GCFC2: variants seen among roughly 807,000 people sequenced by gnomAD.
The protein encoded by GCFC2 is GC-rich sequence DNA-binding factor 2, also known as intron Large complex component GCFC2.
GCFC2 carries 102 observed loss-of-function variants against 99.4 expected under a neutral mutation model. The ratio of observed to expected loss-of-function variants is 1.03; its 90% CI spans 0.87 to 1.21. The LOEUF (loss-of-function observed/expected upper bound fraction) is 1.21, where lower values mean the gene tolerates loss of function less well. Ranked by LOEUF, GCFC2 falls within the 50% of genes most tolerant of loss-of-function variation. The probability of loss-of-function intolerance (pLI) is 0.00; values close to 1 mark genes in which losing one functional copy is unlikely to be tolerated. For missense variants in GCFC2, 973 were observed against 920.9 expected (o/e 1.06, Z -0.73); for synonymous variants, 338 against 316.8 (o/e 1.07, Z -0.71).
chr2:75,679,598 T>C (rs1162234490), intron 12 of GCFC2, among the ~76,000 whole-genome samples: 1 of 152,240 alleles, frequency 6.6e-6, no homozygotes, highest in Admixed American at 6.5e-5. Context: ...TATTATTTGG[T>C]AGACTACAAA....
intron 12 of GCFC2, among the ~76,000 whole-genome samples, chr2:75,674,568 G>A (rs1679258071): frequency 6.6e-6 from 1 of 151,958 alleles, no homozygotes; most frequent in Non-Finnish European, 1.5e-5. Context: ...GAAAGACAAT[G>A]AGTGTTTATT....
At position 75,698,293 on chromosome 2, in the gene GCFC2, C is replaced by T. The variant is rs1176181019; in HGVS notation, c.718-1978G>A. Among the ~76,000 whole-genome samples, 5 of 152,068 alleles carry T rather than the reference C, an allele frequency of 3.3e-5. No homozygotes were observed. In the East Asian group the frequency reaches 9.6e-4, roughly 29 times the overall value. ...ATGTTCATCTCGATTAGTAATACAA[C>T]TCTTGGCAATTATTACAAAGGAATA... On this transcript the variant is annotated intron_variant, in intron 4 of 16. Transcript: ENST00000321027.
At position 75,710,672 on chromosome 2, in the gene GCFC2, G is replaced by C. The variant is rs749551867; in HGVS notation, c.184C>G (p.Arg62Gly). The C allele has an allele frequency of 2.0e-6, 3 of 1,521,774 alleles. No homozygotes were observed. Among genetic ancestry groups the C allele is most frequent in the South Asian group, 2.4e-5 (2 of 82,568 alleles). The allele number at this position is 1,521,774 out of a possible 1,614,324, so 94.3% of individuals were successfully genotyped here. ...AQVAGLPHRV[R>G]GPRGRGRVWA... The stretch of plus-strand genomic sequence containing the variant: ...ACCCGGCCCCGGCCACGAGGGCCCC[G>C]AACCCGGTGGGGCAGTCCCGCCACC... Residue 62 changes from arginine to glycine, a missense_variant, in exon 1 of 17, where the codon CGG becomes GGG. By Grantham distance (125) the Arg-to-Gly change is moderately radical. Transcript: ENST00000321027.
At position 75,671,961 on chromosome 2, in the gene GCFC2, A is replaced by C. The variant is rs1375860013; in HGVS notation, c.1945T>G (p.Ser649Ala). The change falls in exon 14 of 17, where the codon TCA becomes GCA. Residue 649 changes from serine to alanine, a missense_variant. By Grantham distance (99) the Ser-to-Ala change is moderately conservative. Transcript: ENST00000321027. The stretch of plus-strand genomic sequence containing the variant: ...CAGTTTTTGCTCACCTTTAGGCCTG[A>C]CCAGAACTGTCTTTCTTGGAACTTT... The part of the protein sequence containing the change: ...HSKFQERQFW[S>A]GLKLFRNILL... 1 of 1,579,872 alleles carries C rather than the reference A, an allele frequency of 6.3e-7. No homozygotes were observed. Among genetic ancestry groups the C allele is most frequent in the Non-Finnish European group, 8.7e-7 (1 of 1,150,818 alleles).
chr2:75,679,136 G>A (rs1043365772), intron 12 of GCFC2, among the ~76,000 whole-genome samples: 3 of 152,176 alleles, frequency 2.0e-5, no homozygotes, highest in African/African-American at 7.2e-5. Context: ...TTAAGTTACA[G>A]TTTATGTGCA....
chr2:75,690,086 A>ATT lies in GCFC2; in HGVS notation c.1227-7_1227-6dup. 1 of 1,551,416 alleles carries ATT rather than the reference A, an allele frequency of 6.4e-7. No homozygotes were observed. Among genetic ancestry groups the ATT allele is most frequent in the South Asian group, 1.2e-5 (1 of 85,578 alleles). On this transcript the variant is annotated splice_polypyrimidine_tract_variant and splice_region_variant and intron_variant, in intron 8 of 16. Coordinates refer to ENST00000321027, the MANE Select transcript of GCFC2 (RefSeq NM_003203.5). ...CTTGCTTGTCTTCTTTTTGTCCTAT[A>ATT]TTTTGCAACAAACCAAAAATAAACA... is the stretch of plus-strand genomic sequence containing the variant.
At chr2:75,697,556 G>C (rs1384586518) in intron 4 of GCFC2, 1 of 152,214 alleles carries the variant, frequency 6.6e-6, no homozygotes, top group Non-Finnish European at 1.5e-5. Context: ...GCACCTGTAG[G>C]ATTTCACTAT....
At chr2:75,706,430 C>A (rs912044992) in intron 2 of GCFC2, 93 bp downstream of exon 2, 1 of 777,668 alleles carries the variant, frequency 1.3e-6, no homozygotes, top group Non-Finnish European at 2.0e-6. Flanking sequence ...CTACTTGCCC[C>A]ATGTCACTAG....
intron 2 of GCFC2, among the ~76,000 whole-genome samples, chr2:75,703,841 A>G (rs1680717668): frequency 6.6e-6 from 1 of 152,184 alleles, no homozygotes; most frequent in African/African-American, 2.4e-5. Flanking sequence ...CAGGATTAAG[A>G]TAAGACATTT....
chr2:75,676,993 G>A (rs1679371048), intron 12 of GCFC2, among the ~76,000 whole-genome samples: 1 of 152,100 alleles, frequency 6.6e-6, no homozygotes, highest in Non-Finnish European at 1.5e-5. Flanking sequence ...AATACTAACA[G>A]ACTCCCCATA....
upstream of GCFC2, chr2:75,711,270 A>C: frequency 1.1e-6 from 1 of 947,558 alleles, no homozygotes; most frequent in Non-Finnish European, 1.3e-6. Flanking sequence ...TGCCCCCTCC[A>C]ACCAAGATTT....
At chr2:75,678,127 T>C (rs962342579) in intron 12 of GCFC2, among the ~76,000 whole-genome samples, 1 of 152,118 alleles carries the variant, frequency 6.6e-6, no homozygotes, top group African/African-American at 2.4e-5. Flanking sequence ...AAAATGCAAT[T>C]AAAATAAATA....
chr2:75,664,554 A>T lies in GCFC2; in HGVS notation c.*112T>A. The T allele has an allele frequency of 3.5e-6, 2 of 579,224 alleles. No homozygotes were observed. Among genetic ancestry groups the T allele is most frequent in the East Asian group, 5.7e-5 (2 of 35,258 alleles). The allele number at this position is 579,224 out of a possible 1,614,324, so 35.9% of individuals were successfully genotyped here. A position where few individuals can be genotyped will look rare whatever the true frequency, so the allele number is the denominator to read the frequency against. Reference sequence around the variant, plus strand: ...AGAGGTGGAGTCCTGCTTTTTTTCAAATCCTACCTTCTATTACAGGGAATA... The same window carrying T: ...AGAGGTGGAGTCCTGCTTTTTTTCATATCCTACCTTCTATTACAGGGAATA... On this transcript the variant is annotated 3_prime_UTR_variant, in exon 17 of 17. Coordinates refer to ENST00000321027, the MANE Select transcript of GCFC2 (RefSeq NM_003203.5).
Position 75,670,236 on chromosome 2 carries a change from A to G in GCFC2, c.2005T>C (p.Leu669=). The change falls in exon 15 of 17, where the codon TTG becomes CTG. Residue 669 remains leucine, a synonymous_variant. Coordinates refer to ENST00000321027, the MANE Select transcript of GCFC2 (RefSeq NM_003203.5). ...LWNGLLTDDT[L]QELGLGKLLN... is the part of the protein sequence containing the mutation. ...AGCTTCCCTAGTCCTAGTTCTTGCA[A>G]GGTGTCATCTGTAAGGAGTCCATTC... The G allele has an allele frequency of 6.2e-7, 1 of 1,607,446 alleles. No individual in the cohort carries two copies.
chr2:75,686,553 G>A (rs1033199462), intron 11 of GCFC2, among the ~76,000 whole-genome samples: 1 of 152,156 alleles, frequency 6.6e-6, no homozygotes, highest in African/African-American at 2.4e-5. Context: ...ACTAGCCTGG[G>A]CAACAGAGCA....
chr2:75,706,578 CT>C lies in GCFC2; in HGVS notation c.338del (p.Gln113ArgfsTer58). 3 of 1,600,724 alleles carry C rather than the reference CT, an allele frequency of 1.9e-6. No individual in the cohort carries two copies. Among genetic ancestry groups the C allele is most frequent in the Non-Finnish European group, 2.6e-6 (3 of 1,168,050 alleles). On this transcript the variant is annotated frameshift_variant, in exon 2 of 17. Coordinates refer to ENST00000321027, the MANE Select transcript of GCFC2 (RefSeq NM_003203.5). LOFTEE classifies it high-confidence loss of function. ...AGCTAGAACTGTCAGAAGACAAACC[CT>C]GATCATCCTTACTTTCTGAGGAGTG... Reference protein sequence around the residue: ...IHHSSESKDDQGLSSDSSSSL... With the variant: ...IHHSSESKDDXGLSSDSSSSL...
upstream of GCFC2, among the ~76,000 whole-genome samples, chr2:75,712,703 T>C (rs541755225): frequency 1.3e-5 from 2 of 152,172 alleles, no homozygotes; most frequent in African/African-American, 4.8e-5. Flanking sequence ...TGCAGCTTCA[T>C]TCCTGAGCCC....
At chr2:75,682,320 T>G (rs1679618101) in intron 11 of GCFC2, among the ~76,000 whole-genome samples, 1 of 151,848 alleles carries the variant, frequency 6.6e-6, no homozygotes, top group Admixed American at 6.5e-5. Context: ...GGAGTGGACC[T>G]CCAGCAAACT....
chr2:75,688,984 T>G, intron 10 of GCFC2, 42 bp downstream of exon 10: 3 of 1,071,090 alleles, frequency 2.8e-6, no homozygotes, highest in Non-Finnish European at 4.2e-6. Flanking sequence ...TTTAAGCAAC[T>G]AATATAATCA....
Sources: allele counts gnomAD v4.1 joint callset (sites outside exome capture counted in the v4.1 genomes callset), GRCh38; gene constraint gnomAD v4.1.1; transcripts MANE v1.5; gene names NCBI Gene and HGNC (gene_info 2026-07-23, HGNC 2026-07-21).